PPME1: variants seen among roughly 807,000 people sequenced by gnomAD.
The protein encoded by PPME1 is testicular secretory protein Li 39.
In PPME1, 17 loss-of-function variants were observed where a neutral mutation model predicts 56.9. The ratio of observed to expected loss-of-function variants is 0.30; its 90% CI spans 0.20 to 0.45. PPME1 has a LOEUF of 0.45. PPME1 is among the 20% of genes least tolerant of loss of function. The pLI is 1.00. For synonymous variants in PPME1, 122 were observed against 156.2 expected (o/e 0.78, Z 1.63); for missense variants, 357 against 483.2 (o/e 0.74, Z 2.45).
At chr11:74,180,084 T>G (rs1253505626) in intron 1 of PPME1, among the ~76,000 whole-genome samples, 1 of 152,216 alleles carries the variant, frequency 6.6e-6, no homozygotes, top group Non-Finnish European at 1.5e-5. Context: ...CAACTTACAT[T>G]TCTTGGTTAT....
rs193244882 is a variant in PPME1, at chr11:74,230,614, C to T, written c.553+215C>T. On this transcript the variant is annotated intron_variant, in intron 6 of 13. Transcript: ENST00000328257. The surrounding 1 kb of genome is among the most constrained non-coding windows in gnomAD (Gnocchi z 4.9). Reference sequence around the variant, plus strand: ...TTTTATGGCTGCATAATATTTCAATCCTATGTATGTCCCATAATTGTATTT... The same window carrying T: ...TTTTATGGCTGCATAATATTTCAATTCTATGTATGTCCCATAATTGTATTT... Among the ~76,000 whole-genome samples, 239 of 152,252 alleles carry T rather than the reference C, an allele frequency of 1.6e-3. No individual in the cohort carries two copies. The highest frequency in any genetic ancestry group is 4.9e-3 in the Admixed American group (75 of 15,282).
At chr11:74,197,248 C>A (rs536070614) in intron 1 of PPME1, among the ~76,000 whole-genome samples, 5 of 152,186 alleles carry the variant, frequency 3.3e-5, no homozygotes, top group Non-Finnish European at 5.9e-5. Context: ...ATTGAGAAAC[C>A]CAGCTAAGTG....
chr11:74,235,887 C>T lies in PPME1; in HGVS notation c.645-14C>T. On this transcript the variant is annotated splice_polypyrimidine_tract_variant and intron_variant, in intron 7 of 13. Coordinates refer to ENST00000328257, the MANE Select transcript of PPME1 (RefSeq NM_016147.3). ...ACTGAATAACCTTCTCTCTTCCTTT[C>T]TTTTCTTTCCCAGTGTGAAGAGTGG... 6.2e-7 allele frequency: 1 copy of T among 1,606,632 alleles called. No homozygotes were observed. Among genetic ancestry groups the T allele is most frequent in the Non-Finnish European group, 8.5e-7 (1 of 1,176,370 alleles).
chr11:74,208,327 A>AG (rs1013320347), intron 3 of PPME1, among the ~76,000 whole-genome samples: 4 of 151,886 alleles, frequency 2.6e-5, no homozygotes, highest in African/African-American at 9.7e-5. Context: ...AAAAAAAAAA[A>AG]AGAGACTTTA....
rs540690302 is a variant in PPME1 at position 74,171,585 on chromosome 11, TG to T, written c.101+66del. ...CCCAGCCGTTGGAGAATGGTATCTCTGGGCGTTCATAGAGGCACGGGAAAGG... is the reference window on the plus strand; with the variant it reads ...CCCAGCCGTTGGAGAATGGTATCTCTGGCGTTCATAGAGGCACGGGAAAGG... On this transcript the variant is annotated intron_variant, in intron 1 of 13. Coordinates refer to ENST00000328257, the MANE Select transcript of PPME1 (RefSeq NM_016147.3). 746 of 1,516,240 alleles carry T rather than the reference TG, an allele frequency of 4.9e-4. 2 individuals are homozygous for T. The highest frequency in any genetic ancestry group is 6.3e-4 in the Non-Finnish European group (711 of 1,127,000). The allele number at this position is 1,516,240 out of a possible 1,614,324, so 93.9% of individuals were successfully genotyped here. A position where few individuals can be genotyped will look rare whatever the true frequency, so the allele number is the denominator to read the frequency against.
chr11:74,196,577 G>T (rs1316972182), intron 1 of PPME1, among the ~76,000 whole-genome samples: 1 of 152,232 alleles, frequency 6.6e-6, no homozygotes, highest in Non-Finnish European at 1.5e-5. Context: ...TGAAGAGAGG[G>T]TTCTTGGATC....
chr11:74,237,991 C>A (rs1438963253), intron 8 of PPME1: 2 of 152,102 alleles, frequency 1.3e-5, no homozygotes, highest in African/African-American at 2.4e-5. Flanking sequence ...AATTTTATTT[C>A]CAGTGATGTT....
At chr11:74,208,392 C>T (rs530434095) in intron 3 of PPME1, among the ~76,000 whole-genome samples, 10 of 152,032 alleles carry the variant, frequency 6.6e-5, no homozygotes, top group Non-Finnish European at 1.0e-4. Context: ...TGCTGTGTAC[C>T]AGGCATCGTA....
At chr11:74,184,989 C>CTTTTTTTTTTTTTTTTTTTTT (rs559947122) in intron 1 of PPME1, among the ~76,000 whole-genome samples, 1 of 95,718 alleles carries the variant, frequency 1.0e-5, no homozygotes, top group Admixed American at 1.2e-4. Flanking sequence ...TGAAGTATGT[C>CTTTTTTTTTTTTTTTTTTTTT]TTTTTTTTTT....
At chr11:74,184,304 T>C (rs529443416) in intron 1 of PPME1, among the ~76,000 whole-genome samples, 6 of 152,314 alleles carry the variant, frequency 3.9e-5, no homozygotes, top group African/African-American at 1.4e-4. Flanking sequence ...TGAACTATAT[T>C]ATTAGCTGGG....
At chr11:74,208,952 G>A (rs1043286370) in intron 3 of PPME1, among the ~76,000 whole-genome samples, 1 of 152,218 alleles carries the variant, frequency 6.6e-6, no homozygotes, top group Non-Finnish European at 1.5e-5. Flanking sequence ...TGAGGTTGTA[G>A]TTGTATAATA....
chr11:74,241,335 G>T (rs545232430), intron 9 of PPME1, among the ~76,000 whole-genome samples: 2 of 152,276 alleles, frequency 1.3e-5, no homozygotes, highest in African/African-American at 4.8e-5. Flanking sequence ...TCTCTATATG[G>T]TTGAATAATG....
At chr11:74,211,356 A>G (rs1455429480) in intron 3 of PPME1, among the ~76,000 whole-genome samples, 1 of 152,000 alleles carries the variant, frequency 6.6e-6, no homozygotes, top group Non-Finnish European at 1.5e-5. Flanking sequence ...GCAAAAAAAA[A>G]GAGCAATCTG....
At chr11:74,179,434 G>A (rs138857755) in intron 1 of PPME1, among the ~76,000 whole-genome samples, 71 of 152,300 alleles carry the variant, frequency 4.7e-4, no homozygotes, top group African/African-American at 1.7e-3. Flanking sequence ...GTTTGAGGTT[G>A]CAGTGTGCTG....
At chr11:74,247,034 G>A (rs918601158) in intron 10 of PPME1, 45 bp from the exon 11 acceptor site, 6 of 1,523,592 alleles carry the variant, frequency 3.9e-6, no homozygotes, top group South Asian at 1.2e-5. Context: ...TACTTAATAC[G>A]TGAACAGCAA....
At chr11:74,197,044 C>G (rs546218223) in intron 1 of PPME1, among the ~76,000 whole-genome samples, 20 of 152,268 alleles carry the variant, frequency 1.3e-4, no homozygotes, top group South Asian at 4.1e-4. Flanking sequence ...GTTCAAATGC[C>G]TCTGACAAAT....
chr11:74,208,312 AG>A (rs1858382768), intron 3 of PPME1, among the ~76,000 whole-genome samples: 3 of 144,668 alleles, frequency 2.1e-5, no homozygotes, highest in Non-Finnish European at 4.5e-5. Flanking sequence ...CTCTGTCTCA[AG>A]AAAAAAAAAA....
intron 1 of PPME1, among the ~76,000 whole-genome samples, chr11:74,181,309 A>AT (rs375338167): frequency 0.017 from 2,609 of 151,850 alleles, 74 homozygotes; most frequent in African/African-American, 0.06. Flanking sequence ...CGGCCTCCCA[A>AT]AGTGCTGGGA....
chr11:74,172,588 A>C (rs796990412), intron 1 of PPME1, among the ~76,000 whole-genome samples: 38 of 152,340 alleles, frequency 2.5e-4, no homozygotes, highest in African/African-American at 9.1e-4. Context: ...TAGATCGTTA[A>C]ATGGCTTGTG....
Sources: allele counts gnomAD v4.1 joint callset (sites outside exome capture counted in the v4.1 genomes callset), GRCh38; gene constraint gnomAD v4.1.1; non-coding constraint Gnocchi (gnomAD v3.1); transcripts MANE v1.5; gene names NCBI Gene and HGNC (gene_info 2026-07-23, HGNC 2026-07-21).